EIF2AK1: variants seen among roughly 807,000 people sequenced by gnomAD.
EIF2AK1 encodes eukaryotic translation initiation factor 2 alpha kinase 1.
A neutral mutation model predicts 77.9 loss-of-function variants in EIF2AK1; 54 were observed. The observed-to-expected ratio is 0.69, with a 90% CI of 0.56 to 0.87. The LOEUF (loss-of-function observed/expected upper bound fraction) is 0.87, where lower values mean the gene tolerates loss of function less well. EIF2AK1 is among the 40% of genes least tolerant of loss of function. EIF2AK1 has a pLI of 0.00. For missense variants in EIF2AK1, 810 were observed against 768.6 expected (o/e 1.05, Z -0.64); for synonymous variants, 314 against 290.5 (o/e 1.08, Z -0.82).
At chr7:6,026,223 G>A (rs992592133) in intron 14 of EIF2AK1, among the ~76,000 whole-genome samples, 11 of 152,144 alleles carry the variant, frequency 7.2e-5, no homozygotes, top group Non-Finnish European at 1.6e-4. Context: ...ACACCCTCGA[G>A]GGACCCGCCC....
intron 13 of EIF2AK1, chr7:6,028,182 A>C: frequency 3.2e-6 from 1 of 317,122 alleles, no homozygotes; most frequent in Non-Finnish European, 6.2e-6. Context: ...TGATCCAGTT[A>C]ATTATCTACA....
chr7:6,056,910 A>G (rs1788791041), intron 1 of EIF2AK1, among the ~76,000 whole-genome samples: 2 of 151,760 alleles, frequency 1.3e-5, no homozygotes, highest in African/African-American at 4.8e-5. Flanking sequence ...TTATTTGTCC[A>G]TTAAAAAATA....
chr7:6,032,911 C>G lies in EIF2AK1; in HGVS notation c.1333-3879G>C. ...GGCCCAGAGTCTGCTCTGCCTGTTA[C>G]GGCACGGTGCTGACCCAGAAGTCAG... is the stretch of plus-strand genomic sequence containing the variant. On this transcript the variant is annotated intron_variant, in intron 11 of 14. Coordinates refer to ENST00000199389, the MANE Select transcript of EIF2AK1 (RefSeq NM_014413.4). The surrounding 1 kb of genome is among the most constrained non-coding windows in gnomAD (Gnocchi z 4.3). 2 of 1,550,824 alleles carry G rather than the reference C, an allele frequency of 1.3e-6. No individual in the cohort carries two copies. Among genetic ancestry groups the G allele is most frequent in the African/African-American group, 1.4e-5 (1 of 73,158 alleles).
At chr7:6,025,729 A>G (rs1479618273) in intron 14 of EIF2AK1, among the ~76,000 whole-genome samples, 1 of 151,798 alleles carries the variant, frequency 6.6e-6, no homozygotes, top group African/African-American at 2.4e-5. Flanking sequence ...TCCGCCTCCC[A>G]GTTCAAGTGA....
rs1183914566 is a variant in EIF2AK1, at chr7:6,022,416, A to G, written c.*2257T>C. 2 of 152,160 alleles carry G rather than the reference A, an allele frequency of 1.3e-5. No homozygotes were observed. Among genetic ancestry groups the G allele is most frequent in the African/African-American group, 4.8e-5 (2 of 41,428 alleles). The allele number at this position is 152,160 out of a possible 1,614,324, so 9.4% of individuals were successfully genotyped here. A position where few individuals can be genotyped will look rare whatever the true frequency, so the allele number is the denominator to read the frequency against. On this transcript the variant is annotated 3_prime_UTR_variant, in exon 15 of 15. Coordinates refer to ENST00000199389, the MANE Select transcript of EIF2AK1 (RefSeq NM_014413.4). ...GTTTTATGTGGATTTTCGACTGCAC[A>G]GCAGTCGGGGGTCAGTGTCCCTAAC...
intron 9 of EIF2AK1, among the ~76,000 whole-genome samples, 186 bp from the exon 10 acceptor site, chr7:6,038,857 C>A (rs1357259510): frequency 6.6e-6 from 1 of 151,992 alleles, no homozygotes; most frequent in Non-Finnish European, 1.5e-5. Context: ...CCCAAGAAGC[C>A]CAAAGTCTAA....
rs980832731 is a variant in EIF2AK1, at chr7:6,031,654, T to C, written c.1333-2622A>G. On this transcript the variant is annotated intron_variant, in intron 11 of 14. Transcript: ENST00000199389. Reference sequence around the variant, plus strand: ...TCAGGCTGCTTAGAAAGAAGCATGATCTAAAGCTGGTGAACCCACTAAGCT... The same window carrying C: ...TCAGGCTGCTTAGAAAGAAGCATGACCTAAAGCTGGTGAACCCACTAAGCT... 2.7e-6 allele frequency: 4 copies of C among 1,498,072 alleles called. No individual in the cohort carries two copies. The African/African-American group carries it at 5.6e-5, about 21-fold the overall frequency. 92.8% of individuals were successfully genotyped at this position (1,498,072 alleles called of 1,614,324 possible). A position where few individuals can be genotyped will look rare whatever the true frequency, so the allele number is the denominator to read the frequency against.
intron 1 of EIF2AK1, among the ~76,000 whole-genome samples, chr7:6,058,500 TTCCAATGAAGCAAAAGACAAGAAAAGC>T (rs1384491541): frequency 3.7e-4 from 57 of 152,314 alleles, no homozygotes; most frequent in African/African-American, 1.3e-3. Context: ...TTAGTTCTCC[TTCCAATGAAGCAAAAGACAAGAAAAGC>T]TCCAATGAAG....
intron 6 of EIF2AK1, among the ~76,000 whole-genome samples, 161 bp downstream of exon 6, chr7:6,045,907 AAAT>A (rs1478219195): frequency 1.3e-5 from 2 of 151,844 alleles, no homozygotes; most frequent in Non-Finnish European, 2.9e-5. Context: ...TCAAAACAAA[AAAT>A]AATAATAATT....
In EIF2AK1 at chr7:6,041,082, T is replaced by C. The variant is rs1348713109; in HGVS notation, c.929A>G (p.Asn310Ser). Residue 310 changes from asparagine (N) to serine (S), a missense_variant, in exon 9 of 15, where the codon AAT (asparagine) becomes AGT (serine). By Grantham distance (46) the Asn-to-Ser change is conservative (BLOSUM62 1). This residue lies in a region of EIF2AK1 where 549 missense variants were observed against 533.7 expected (regional missense o/e 1.03). Transcript: ENST00000199389. ...TTCACCAGATTCTCTTATGACTAAATTGGTGGTGTACTTCACCGACTTGTT... is the reference window on the plus strand; with the variant it reads ...TTCACCAGATTCTCTTATGACTAAACTGGTGGTGTACTTCACCGACTTGTT... ...QNNKSVKYTT[N>S]LVIRESGELE... The C allele has an allele frequency of 3.1e-6, 5 of 1,614,128 alleles. No homozygotes were observed. The highest frequency in any genetic ancestry group is 2.2e-5 in the South Asian group (2 of 91,080).
chr7:6,033,239 G>A lies in EIF2AK1; in HGVS notation c.1332+4185C>T, dbSNP rs1293580556. On this transcript the variant is annotated intron_variant, in intron 11 of 14. Coordinates refer to ENST00000199389, the MANE Select transcript of EIF2AK1 (RefSeq NM_014413.4). The surrounding 1 kb of genome is among the most constrained non-coding windows in gnomAD (Gnocchi z 4.4). ...CTGCCTCGGCCTCCCAAAGTGCTGG[G>A]ATTAACAGCCCTCAGCCACAGCACC... is the stretch of plus-strand genomic sequence containing the variant. Among the ~76,000 whole-genome samples, 1 of 152,144 alleles carries A rather than the reference G, an allele frequency of 6.6e-6. No individual in the cohort carries two copies. Among genetic ancestry groups the A allele is most frequent in the African/African-American group, 2.4e-5 (1 of 41,430 alleles).
intron 1 of EIF2AK1, among the ~76,000 whole-genome samples, chr7:6,056,226 G>C (rs1471525087): frequency 6.7e-6 from 1 of 148,614 alleles, no homozygotes; most frequent in African/African-American, 2.5e-5. Flanking sequence ...CCAGGAGGTG[G>C]AGGTTGCAGT....
intron 14 of EIF2AK1, 70 bp downstream of exon 14, chr7:6,026,658 C>A: frequency 2.3e-6 from 3 of 1,300,286 alleles, no homozygotes; most frequent in African/African-American, 1.5e-5. Context: ...ACCACCCAAC[C>A]GCTTCCTTCC....
At chr7:6,050,747 C>G (rs1001617151) in intron 2 of EIF2AK1, among the ~76,000 whole-genome samples, 1 of 151,584 alleles carries the variant, frequency 6.6e-6, no homozygotes, top group Non-Finnish European at 1.5e-5. Context: ...CGACTATAGG[C>G]GCCTGCCACC....
intron 9 of EIF2AK1, 113 bp downstream of exon 9, chr7:6,040,779 A>G: frequency 1.1e-6 from 1 of 889,622 alleles, no homozygotes; most frequent in Non-Finnish European, 1.8e-6. Flanking sequence ...GGCCAGTACA[A>G]GAGACTGAAC....
chr7:6,031,338 C>T (rs1335341133), intron 11 of EIF2AK1: 1 of 1,527,870 alleles, frequency 6.5e-7, no homozygotes, highest in South Asian at 1.2e-5. Context: ...TGACCAATTC[C>T]ATAACAACAT....
At position 6,042,837 on chromosome 7, in the gene EIF2AK1, G is replaced by A; in HGVS notation, c.791+96C>T. 4.9e-6 allele frequency: 5 copies of A among 1,024,496 alleles called. No individual in the cohort carries two copies. In the South Asian group the frequency reaches 7.2e-5, roughly 15 times the overall value. 63.5% of individuals were successfully genotyped at this position (1,024,496 alleles called of 1,614,324 possible). ...GCCAAGATTGTGCCACTGCACTCTAGTCTGGGTGACAGAGCGAGACTCTGT... is the reference window on the plus strand; with the variant it reads ...GCCAAGATTGTGCCACTGCACTCTAATCTGGGTGACAGAGCGAGACTCTGT... On this transcript the variant is annotated intron_variant, in intron 8 of 14. Transcript: ENST00000199389.
chr7:6,044,867 T>C (rs1788401260), intron 6 of EIF2AK1, among the ~76,000 whole-genome samples: 1 of 152,220 alleles, frequency 6.6e-6, no homozygotes, highest in Admixed American at 6.5e-5. Context: ...TATTATAAAA[T>C]ATGCTTTGTG....
At position 6,050,924 on chromosome 7, in the gene EIF2AK1, G is replaced by A. The variant is rs529402026; in HGVS notation, c.278-879C>T. Among the ~76,000 whole-genome samples the A allele has an allele frequency of 2.6e-5, 4 of 152,000 alleles. 1 individual carries two copies. The highest frequency in any genetic ancestry group is 1.9e-4 in the East Asian group (1 of 5,178). ...GGCCTATAATTACTTCTCTTACCCT[G>A]TACAGTCACTTGTTTACCAAGACTA... On this transcript the variant is annotated intron_variant, in intron 2 of 14. Coordinates refer to ENST00000199389, the MANE Select transcript of EIF2AK1 (RefSeq NM_014413.4).
Sources: gnomAD v4.1 joint callset for allele counts (sites outside exome capture counted in the v4.1 genomes callset) on GRCh38, gnomAD v4.1.1 for gene constraint, gnomAD v4.1.1 regional missense constraint, Gnocchi (gnomAD v3.1) non-coding constraint, MANE v1.5 for transcripts, NCBI Gene and HGNC (gene_info 2026-07-23, HGNC 2026-07-21) for gene names.